PLEKHA6: variants seen among roughly 807,000 people sequenced by gnomAD.
PLEKHA6 encodes the protein pleckstrin homology domain-containing family A member 6.
Under a neutral mutation model 116.7 loss-of-function variants are expected in PLEKHA6, and 60 were observed. The observed-to-expected ratio is 0.51, with a 90% CI of 0.42 to 0.64. The LOEUF is 0.64. Among genes scored for constraint, PLEKHA6 ranks in the 30% least tolerant of loss-of-function variants. PLEKHA6 has a pLI of 0.00. For synonymous variants in PLEKHA6, 489 were observed against 556.1 expected, an observed-to-expected ratio of 0.88 and a Z score of 1.70; for missense variants, 1,338 against 1,422.7, an observed-to-expected ratio of 0.94 and a Z score of 0.96.
In PLEKHA6 at chr1:204,307,794, C is replaced by G. The variant is rs1671448206; in HGVS notation, c.-94-32985G>C. On this transcript the variant is annotated intron_variant, in intron 1 of 22. Transcript: ENST00000272203. The stretch of plus-strand genomic sequence containing the variant: ...GGAGCTGAGCCCAGAGGTGCAGGCA[C>G]TGGGAGAGAGCCCTGCCAGGTGCTC... 4 of 863,230 alleles carry G rather than the reference C, an allele frequency of 4.6e-6. No individual in the cohort carries two copies. In the African/African-American group the frequency reaches 7.3e-5, roughly 16 times the overall value. The allele number at this position is 863,230 out of a possible 1,614,324, so 53.5% of individuals were successfully genotyped here.
At chr1:204,269,399 TG>T (rs1667207174) in intron 3 of PLEKHA6, among the ~76,000 whole-genome samples, 1 of 110,122 alleles carries the variant, frequency 9.1e-6, no homozygotes, top group South Asian at 2.7e-4. Flanking sequence ...TTAATCAAAT[TG>T]TCTACTCTCC....
At chr1:204,306,188 C>T (rs1479999940) in intron 1 of PLEKHA6, among the ~76,000 whole-genome samples, 1 of 152,224 alleles carries the variant, frequency 6.6e-6, no homozygotes. Context: ...GCCTCTGGCT[C>T]TGTCCCATTG....
chr1:204,282,931 C>T (rs1668780301), intron 1 of PLEKHA6: 1 of 323,754 alleles, frequency 3.1e-6, no homozygotes, highest in Non-Finnish European at 4.4e-6. Flanking sequence ...CCCTCGCCTC[C>T]AAGTTGCCTT....
intron 1 of PLEKHA6, among the ~76,000 whole-genome samples, chr1:204,310,963 G>A (rs931332891): frequency 3.9e-5 from 6 of 152,194 alleles, no homozygotes; most frequent in African/African-American, 1.4e-4. Flanking sequence ...AATCTCTAGT[G>A]CATTAGCCTA....
chr1:204,300,067 G>T (rs1670663966), intron 1 of PLEKHA6, among the ~76,000 whole-genome samples: 1 of 152,114 alleles, frequency 6.6e-6, no homozygotes, highest in African/African-American at 2.4e-5. Flanking sequence ...GAAGAGGGAG[G>T]TTATCTATGC....
chr1:204,311,815 C>T (rs989181379), intron 1 of PLEKHA6: 1 of 300,630 alleles, frequency 3.3e-6, no homozygotes, highest in African/African-American at 2.3e-5. Context: ...ACTTCACAAT[C>T]ACCCATGGCC....
At chr1:204,243,881 C>T (rs80014071) in intron 15 of PLEKHA6, among the ~76,000 whole-genome samples, 12,407 of 151,770 alleles carry the variant, frequency 0.082, 601 homozygotes, top group Middle Eastern at 0.14. Flanking sequence ...AGTGCAGTGG[C>T]GCAATCTCGG....
chr1:204,251,905 G>A (rs1050204903), intron 9 of PLEKHA6, among the ~76,000 whole-genome samples: 4 of 152,006 alleles, frequency 2.6e-5, no homozygotes, highest in South Asian at 2.1e-4. Flanking sequence ...TGTCCCATCC[G>A]CACTGGCCAC....
intron 1 of PLEKHA6, among the ~76,000 whole-genome samples, chr1:204,372,647 T>C (rs1673797601): frequency 6.6e-6 from 1 of 152,116 alleles, no homozygotes; most frequent in African/African-American, 2.4e-5. Context: ...AATTTACAAT[T>C]TAATAGTTTT....
intron 9 of PLEKHA6, among the ~76,000 whole-genome samples, chr1:204,253,178 G>A (rs556237443): frequency 2.8e-4 from 42 of 152,274 alleles, no homozygotes; most frequent in Non-Finnish European, 4.7e-4. Context: ...CACTCCTTGC[G>A]ATGCCTGACA....
chr1:204,252,075 G>A (rs953557422), intron 9 of PLEKHA6, among the ~76,000 whole-genome samples: 4 of 151,486 alleles, frequency 2.6e-5, no homozygotes, highest in Admixed American at 2.0e-4. Flanking sequence ...AGATACAGAG[G>A]CCTGCCCCCT....
chr1:204,268,166 A>C, intron 4 of PLEKHA6, 42 bp downstream of exon 4: 1 of 1,260,962 alleles, frequency 7.9e-7, no homozygotes. Context: ...CTGTGAGGAG[A>C]AGGTGGAGGC....
intron 1 of PLEKHA6, among the ~76,000 whole-genome samples, chr1:204,325,539 C>T (rs1006952277): frequency 1.3e-5 from 2 of 152,186 alleles, no homozygotes; most frequent in Non-Finnish European, 2.9e-5. Context: ...GCTCAGGTCC[C>T]AGGACTAGGA....
In PLEKHA6 at chr1:204,251,288, G is replaced by T. The variant is rs138856098; in HGVS notation, c.1525-674C>A. 2.0e-5 allele frequency among the ~76,000 whole-genome samples: 3 copies of T among 152,318 alleles called. 1 individual carries two copies. In the East Asian group the frequency reaches 5.8e-4, roughly 29 times the overall value. On this transcript the variant is annotated intron_variant, in intron 9 of 22. Transcript: ENST00000272203. The stretch of plus-strand genomic sequence containing the variant: ...TTCAAGAGCAGAGTTGCGATCCCCA[G>T]CATGGCATGAGATGTTGGTGCTGGC...
At chr1:204,365,092 G>T (rs1049348312) in intron 3 of PLEKHA6, among the ~76,000 whole-genome samples, 1 of 152,110 alleles carries the variant, frequency 6.6e-6, no homozygotes, top group Non-Finnish European at 1.5e-5. Context: ...AATGTTGAGG[G>T]AACCACAAGT....
At chr1:204,334,260 G>A (rs1672559453) in intron 1 of PLEKHA6, among the ~76,000 whole-genome samples, 1 of 152,186 alleles carries the variant, frequency 6.6e-6, no homozygotes, top group Non-Finnish European at 1.5e-5. Flanking sequence ...GTGGCAGGGA[G>A]AGGCAACAAG....
chr1:204,361,389 T>C (rs1186637121), upstream of PLEKHA6, among the ~76,000 whole-genome samples: 2 of 152,300 alleles, frequency 1.3e-5, no homozygotes, highest in East Asian at 1.9e-4. Flanking sequence ...GGAACCTGGC[T>C]GGTTGGTGTG....
intron 1 of PLEKHA6, among the ~76,000 whole-genome samples, chr1:204,358,710 C>A (rs893429842): frequency 6.6e-6 from 1 of 152,050 alleles, no homozygotes; most frequent in African/African-American, 2.4e-5. Context: ...GAGCTCCAGC[C>A]TCCTCCCCAC....
rs190235061 is a variant in PLEKHA6 at position 204,291,669 on chromosome 1, C to T, written c.-94-16860G>A. ...TTTATATGGAATAAAAGGAGCCAGGCTTTCTTGAAATAAAAGTATTCATTT... is the reference window on the plus strand; with the variant it reads ...TTTATATGGAATAAAAGGAGCCAGGTTTTCTTGAAATAAAAGTATTCATTT... On this transcript the variant is annotated intron_variant, in intron 1 of 22. Transcript: ENST00000272203. 1.9e-3 allele frequency among the ~76,000 whole-genome samples: 295 copies of T among 152,286 alleles called. 2 individuals are homozygous for T. The highest frequency in any genetic ancestry group is 6.8e-3 in the African/African-American group (282 of 41,552).
Sources: allele counts gnomAD v4.1 joint callset (sites outside exome capture counted in the v4.1 genomes callset), GRCh38; gene constraint gnomAD v4.1.1; transcripts MANE v1.5; gene names NCBI Gene and HGNC (gene_info 2026-07-23, HGNC 2026-07-21).